Variants in MOB4 observed in about 807,000 individuals in gnomAD.
MOB4 encodes MOB family member 4, phocein.
In MOB4, 4 loss-of-function variants were observed where a neutral mutation model predicts 32.2. The observed-to-expected ratio is 0.12, with a 90% CI of 0.06 to 0.28. The LOEUF (loss-of-function observed/expected upper bound fraction) is 0.28. Ranked by LOEUF, MOB4 falls within the 10% of genes least tolerant of loss-of-function variation. The probability of loss-of-function intolerance (pLI) is 1.00; values close to 1 mark genes in which losing one functional copy is unlikely to be tolerated. For missense variants in MOB4, 158 were observed against 271.2 expected (o/e 0.58, Z 2.93); for synonymous variants, 88 against 88.1 (o/e 1.00, Z 0.01).
At chr2:197,529,281 A>G (rs1012034034) in intron 2 of MOB4, among the ~76,000 whole-genome samples, 1 of 152,036 alleles carries the variant, frequency 6.6e-6, no homozygotes, top group Admixed American at 6.6e-5. Flanking sequence ...CTTCATTTCT[A>G]AATAATATTT....
chr2:197,515,803 G>A (rs1269718252), upstream of MOB4: 4 of 500,496 alleles, frequency 8.0e-6, no homozygotes, highest in Non-Finnish European at 1.4e-5. Flanking sequence ...CTGCGATCAC[G>A]ACCTTTCAAA....
Position 197,552,611 on chromosome 2 carries a change from A to G in MOB4, c.*1965A>G, listed in dbSNP as rs1054991293. Reference sequence around the variant, plus strand: ...GGAATTGATCATAAAACATCTCCAAAAGAAAATAATCAGTTTGTAGTCTTG... The same window carrying G: ...GGAATTGATCATAAAACATCTCCAAGAGAAAATAATCAGTTTGTAGTCTTG... On this transcript the variant is annotated 3_prime_UTR_variant, in exon 8 of 8. Transcript: ENST00000323303. 2.0e-5 allele frequency: 3 copies of G among 152,362 alleles called. No individual in the cohort carries two copies. The highest frequency in any genetic ancestry group is 4.4e-5 in the Non-Finnish European group (3 of 68,034). The allele number at this position is 152,362 out of a possible 1,614,324, so 9.4% of individuals were successfully genotyped here.
rs78980484 is a variant in MOB4 at position 197,538,860 on chromosome 2, C to T, written c.225-1251C>T. 8.8e-3 allele frequency among the ~76,000 whole-genome samples: 1,336 copies of T among 152,146 alleles called. 31 individuals carry two copies. The highest frequency in any genetic ancestry group is 0.03 in the African/African-American group (1,230 of 41,486). On this transcript the variant is annotated intron_variant, in intron 3 of 7. Coordinates refer to ENST00000323303, the MANE Select transcript of MOB4 (RefSeq NM_015387.5). ...TGATAGGGGACAGTAGAGGGTGATACGGTGATTTAGAAATAATGTTATTTT... is the reference window on the plus strand; with the variant it reads ...TGATAGGGGACAGTAGAGGGTGATATGGTGATTTAGAAATAATGTTATTTT...
chr2:197,526,870 A>T (rs1669952889), intron 2 of MOB4, among the ~76,000 whole-genome samples: 1 of 152,184 alleles, frequency 6.6e-6, no homozygotes, highest in Admixed American at 6.5e-5. Flanking sequence ...GTCTATCCTT[A>T]TGCCAGTATC....
chr2:197,540,714 T>C (rs2086881865), intron 5 of MOB4, among the ~76,000 whole-genome samples: 1 of 152,236 alleles, frequency 6.6e-6, no homozygotes, highest in African/African-American at 2.4e-5. Context: ...ATATCTACTG[T>C]GTAATGATTG....
Position 197,551,121 on chromosome 2 carries a change from G to C in MOB4, c.*475G>C, listed in dbSNP as rs978417404. The C allele has an allele frequency of 6.6e-6, 1 of 152,296 alleles. No individual in the cohort carries two copies. The highest frequency in any genetic ancestry group is 1.5e-5 in the Non-Finnish European group (1 of 68,022). 9.4% of individuals were successfully genotyped at this position (152,296 alleles called of 1,614,324 possible). A position where few individuals can be genotyped will look rare whatever the true frequency, so the allele number is the denominator to read the frequency against. On this transcript the variant is annotated 3_prime_UTR_variant, in exon 8 of 8. Coordinates refer to ENST00000323303, the MANE Select transcript of MOB4 (RefSeq NM_015387.5). ...TTAACTTTCCCCAATTGAGATAAAA[G>C]TGTTTTAAAATTCTGTTTATAGTTT...
intron 1 of MOB4, among the ~76,000 whole-genome samples, chr2:197,517,952 C>T (rs2086444382): frequency 6.6e-6 from 1 of 152,074 alleles, no homozygotes; most frequent in South Asian, 2.1e-4. Flanking sequence ...CCAGCCTGGC[C>T]AACACGGTGA....
intron 2 of MOB4, among the ~76,000 whole-genome samples, chr2:197,530,708 C>T (rs1451571191): frequency 1.3e-5 from 2 of 152,120 alleles, no homozygotes; most frequent in Non-Finnish European, 2.9e-5. Context: ...TCAAGCAATC[C>T]TTCCAACTCA....
intron 3 of MOB4, 145 bp from the exon 4 acceptor site, chr2:197,539,966 T>C: frequency 4.0e-6 from 3 of 743,006 alleles, no homozygotes; most frequent in South Asian, 3.5e-5. Flanking sequence ...TTAGAAGAAA[T>C]GTGTCATTGT....
intron 1 of MOB4, among the ~76,000 whole-genome samples, chr2:197,518,573 T>TG (rs60557822): frequency 0.022 from 3,318 of 151,098 alleles, 112 homozygotes; most frequent in African/African-American, 0.077. Flanking sequence ...TTTTTTTTTT[T>TG]TGTGTGTGAG....
rs2087131634 is a variant in MOB4 at position 197,553,559 on chromosome 2, A to AT, written c.*2914dup. On this transcript the variant is annotated 3_prime_UTR_variant, in exon 8 of 8. Transcript: ENST00000323303. ...ATGTGAGTACTTTGCCCTACTGTCT[A>AT]TATGATGACATCTTTTTTGAGCAGC... The AT allele has an allele frequency of 6.6e-6, 1 of 152,240 alleles. No homozygotes were observed. Among genetic ancestry groups the AT allele is most frequent in the South Asian group, 2.1e-4 (1 of 4,836 alleles). 9.4% of individuals were successfully genotyped at this position (152,240 alleles called of 1,614,324 possible). A position where few individuals can be genotyped will look rare whatever the true frequency, so the allele number is the denominator to read the frequency against.
At chr2:197,543,395 C>T (rs539759370) in intron 5 of MOB4, among the ~76,000 whole-genome samples, 40 of 150,986 alleles carry the variant, frequency 2.6e-4, no homozygotes, top group Non-Finnish European at 4.7e-4. Flanking sequence ...GAGGGTTGTG[C>T]GTTATTGTTA....
At chr2:197,532,593 G>A (rs1459747685) in intron 2 of MOB4, among the ~76,000 whole-genome samples, 2 of 152,146 alleles carry the variant, frequency 1.3e-5, no homozygotes, top group African/African-American at 2.4e-5. Flanking sequence ...GGCTGAAGCA[G>A]GAGAATTGCT....
intron 2 of MOB4, 110 bp downstream of exon 2, chr2:197,523,796 A>AAG: frequency 9.8e-7 from 1 of 1,021,322 alleles, no homozygotes; most frequent in Non-Finnish European, 1.4e-6. Flanking sequence ...CTTCCCAATA[A>AAG]AGCGTGCTCT....
At chr2:197,516,041 G>A (rs1559311292), upstream of MOB4, 6 of 1,545,954 alleles carry the variant, frequency 3.9e-6, no homozygotes, top group South Asian at 5.9e-5. Context: ...GCAGGCTGCC[G>A]TCCCTACATC....
Position 197,550,369 on chromosome 2 carries a change from A to G in MOB4, c.529A>G (p.Ile177Val), listed in dbSNP as rs1221873316. The change falls in exon 7 of 8, where the codon ATA becomes GTA. Residue 177 changes from isoleucine (I) to valine (V), a missense_variant. Physicochemically the swap from Ile to Val is conservative, Grantham distance 29. Transcript: ENST00000323303. ...ACATGCTTATTTTCATCATCGGCAGATATTTGATGAATATGAAGTAAGTAT... is the reference window on the plus strand; with the variant it reads ...ACATGCTTATTTTCATCATCGGCAGGTATTTGATGAATATGAAGTAAGTAT... ...FSHAYFHHRQ[I>V]FDEYENETFL... 2.5e-6 allele frequency: 4 copies of G among 1,613,642 alleles called. No homozygotes were observed. Among genetic ancestry groups the G allele is most frequent in the Non-Finnish European group, 3.4e-6 (4 of 1,179,840 alleles).
In MOB4 at chr2:197,528,621, T is replaced by TC. The variant is rs1488008330; in HGVS notation, c.123+4935_123+4936insC. ...TTCTTTTTCTTTTTCTTTTTCTTTT[T>TC]TTTTTTTTTTTTGAGACGGAGTCTC... On this transcript the variant is annotated intron_variant, in intron 2 of 7. Coordinates refer to ENST00000323303, the MANE Select transcript of MOB4 (RefSeq NM_015387.5). Among the ~76,000 whole-genome samples the TC allele has an allele frequency of 1.1e-4, 16 of 145,692 alleles. 1 individual carries two copies. The South Asian group carries it at 2.8e-3, about 25-fold the overall frequency.
At position 197,551,802 on chromosome 2, in the gene MOB4, A is replaced by G. The variant is rs566442046; in HGVS notation, c.*1156A>G. 6.6e-6 allele frequency: 1 copy of G among 152,452 alleles called. No individual in the cohort carries two copies. The highest frequency in any genetic ancestry group is 1.5e-5 in the Non-Finnish European group (1 of 68,012). The allele number at this position is 152,452 out of a possible 1,614,324, so 9.4% of individuals were successfully genotyped here. A position where few individuals can be genotyped will look rare whatever the true frequency, so the allele number is the denominator to read the frequency against. On this transcript the variant is annotated 3_prime_UTR_variant, in exon 8 of 8. Coordinates refer to ENST00000323303, the MANE Select transcript of MOB4 (RefSeq NM_015387.5). ...GACTTTGTTATAATTCATTGTGGTAAGAATGATTGAAATGCAGATTTAACA... is the reference window on the plus strand; with the variant it reads ...GACTTTGTTATAATTCATTGTGGTAGGAATGATTGAAATGCAGATTTAACA...
At chr2:197,534,751 G>A (rs1159283181) in intron 2 of MOB4, among the ~76,000 whole-genome samples, 3 of 152,066 alleles carry the variant, frequency 2.0e-5, no homozygotes, top group Admixed American at 1.3e-4. Context: ...CACTATATTA[G>A]CCAGGATGGT....
Sources: gnomAD v4.1 joint callset for allele counts (sites outside exome capture counted in the v4.1 genomes callset) on GRCh38, gnomAD v4.1.1 for gene constraint, MANE v1.5 for transcripts, NCBI Gene and HGNC (gene_info 2026-07-23, HGNC 2026-07-21) for gene names.